WDR70: variants seen among roughly 807,000 people sequenced by gnomAD.
The protein encoded by WDR70 is WD repeat-containing protein 70.
WDR70 carries 53 observed loss-of-function variants against 88.6 expected under a neutral mutation model. The ratio of observed to expected loss-of-function variants is 0.60; its 90% CI spans 0.48 to 0.75. The LOEUF is 0.75. WDR70 is among the 30% of genes least tolerant of loss of function. The probability of loss-of-function intolerance (pLI) is 0.00; values close to 1 mark genes in which losing one functional copy is unlikely to be tolerated. For synonymous variants in WDR70, 280 were observed against 270.0 expected (o/e 1.04, Z -0.36); for missense variants, 610 against 823.2 (o/e 0.74, Z 3.17).
chr5:37,537,201 G>A (rs1329646800), intron 9 of WDR70, among the ~76,000 whole-genome samples: 1 of 152,134 alleles, frequency 6.6e-6, no homozygotes, highest in Non-Finnish European at 1.5e-5. Context: ...CAGTTGGGAA[G>A]AAAATACTGT....
At chr5:37,726,313 C>T (rs1414658737) in intron 16 of WDR70, among the ~76,000 whole-genome samples, 1 of 152,012 alleles carries the variant, frequency 6.6e-6, no homozygotes, top group African/African-American at 2.4e-5. Context: ...CTAAGAAGTC[C>T]TACATCTTTC....
At chr5:37,543,982 G>T (rs1295102231) in intron 9 of WDR70, among the ~76,000 whole-genome samples, 3 of 152,144 alleles carry the variant, frequency 2.0e-5, no homozygotes, top group Admixed American at 6.5e-5. Flanking sequence ...ATGTTGGCCA[G>T]TCTGGTCTCG....
At chr5:37,402,229 T>TA (rs1372734916) in intron 5 of WDR70, among the ~76,000 whole-genome samples, 1 of 152,140 alleles carries the variant, frequency 6.6e-6, no homozygotes, top group Non-Finnish European at 1.5e-5. Flanking sequence ...CAATGTCCTG[T>TA]AAACTCATGT....
At chr5:37,469,261 A>T (rs910183579) in intron 7 of WDR70, among the ~76,000 whole-genome samples, 3 of 152,140 alleles carry the variant, frequency 2.0e-5, no homozygotes, top group Admixed American at 6.6e-5. Context: ...GGGTGGCAGT[A>T]GGATCTACCC....
Position 37,479,883 on chromosome 5 carries a change from G to A in WDR70, c.736G>A (p.Val246Ile), listed in dbSNP as rs768694503. Residue 246 changes from valine (V) to isoleucine (I), a missense_variant, in exon 8 of 18, where the codon GTT becomes ATT. Val to Ile is a conservative substitution (Grantham distance 29, BLOSUM62 3). Coordinates refer to ENST00000265107, the MANE Select transcript of WDR70 (RefSeq NM_018034.4). Reference protein sequence around the residue: ...QYSNTGDMILVVSGSSQAKVI... With the variant: ...QYSNTGDMILIVSGSSQAKVI... ...TAGTAACACAGGAGACATGATTCTT[G>A]TTGTATCTGGAAGCTCTCAGGCCAA... 1 of 1,614,090 alleles carries A rather than the reference G, an allele frequency of 6.2e-7. No individual in the cohort carries two copies. Among genetic ancestry groups the A allele is most frequent in the East Asian group, 2.2e-5 (1 of 44,868 alleles).
intron 10 of WDR70, among the ~76,000 whole-genome samples, chr5:37,646,134 GTT>G (rs1377967432): frequency 6.6e-6 from 1 of 151,504 alleles, no homozygotes; most frequent in Non-Finnish European, 1.5e-5. Context: ...TCCATTGTAT[GTT>G]TTTTGATTTA....
Position 37,487,621 on chromosome 5 carries a change from A to ATTTTTTTTT in WDR70, c.840+7635_840+7636insTTTTTTTTT, listed in dbSNP as rs1561871968. Among the ~76,000 whole-genome samples, 240 of 37,610 alleles carry ATTTTTTTTT rather than the reference A, an allele frequency of 6.4e-3. 4 individuals carry two copies. The highest frequency in any genetic ancestry group is 0.017 in the African/African-American group (225 of 13,620). The allele number at this position is 37,610 out of a possible 152,430, so 24.7% of individuals were successfully genotyped here. On this transcript the variant is annotated intron_variant, in intron 8 of 17. Coordinates refer to ENST00000265107, the MANE Select transcript of WDR70 (RefSeq NM_018034.4). The stretch of plus-strand genomic sequence containing the variant: ...TATAAATATATATATATATATATAT[A>ATTTTTTTTT]TATGTATTTTTTTTTTTTTTTTTGA...
At chr5:37,641,524 A>T (rs1430334525) in intron 10 of WDR70, among the ~76,000 whole-genome samples, 3 of 140,550 alleles carry the variant, frequency 2.1e-5, no homozygotes, top group African/African-American at 8.1e-5. Flanking sequence ...TCAAGTGATT[A>T]TCCTGCCTCA....
intron 11 of WDR70, 88 bp from the exon 12 acceptor site, chr5:37,700,970 A>G (rs1747143613): frequency 2.6e-6 from 2 of 771,834 alleles, no homozygotes; most frequent in Non-Finnish European, 4.5e-6. Context: ...ACAGTTATAC[A>G]TTAAGTTTAG....
At position 37,727,061 on chromosome 5, in the gene WDR70, T is replaced by C. The variant is rs1344517356; in HGVS notation, c.1877+16T>C. The C allele has an allele frequency of 6.3e-7, 1 of 1,594,806 alleles. No individual in the cohort carries two copies. The highest frequency in any genetic ancestry group is 1.8e-5 in the Admixed American group (1 of 54,472). ...CATATTCCAAGTGAGAATATAGCTT[T>C]TTAAAACAGGAAAATTGTTATGTTT... On this transcript the variant is annotated intron_variant, in intron 17 of 17. Transcript: ENST00000265107.
intron 9 of WDR70, among the ~76,000 whole-genome samples, chr5:37,603,402 C>T (rs1743944460): frequency 6.6e-6 from 1 of 152,144 alleles, no homozygotes; most frequent in Non-Finnish European, 1.5e-5. Context: ...AACTGGATAT[C>T]CACATGCAGA....
At chr5:37,617,938 T>G (rs1248431583) in intron 10 of WDR70, among the ~76,000 whole-genome samples, 1 of 152,240 alleles carries the variant, frequency 6.6e-6, no homozygotes, top group African/African-American at 2.4e-5. Flanking sequence ...GATTGCATAT[T>G]GATCAAAGTT....
intron 7 of WDR70, among the ~76,000 whole-genome samples, chr5:37,465,030 C>G (rs1374769010): frequency 1.3e-5 from 2 of 152,306 alleles, no homozygotes; most frequent in East Asian, 3.9e-4. Context: ...CACATTTGGT[C>G]AAACTTGTAA....
At chr5:37,612,160 A>C (rs1435853206) in intron 10 of WDR70, among the ~76,000 whole-genome samples, 1 of 152,180 alleles carries the variant, frequency 6.6e-6, no homozygotes, top group African/African-American at 2.4e-5. Context: ...TTTTAATACC[A>C]AATGATTTAG....
chr5:37,712,172 T>C (rs1449722425), intron 13 of WDR70, among the ~76,000 whole-genome samples: 1 of 152,022 alleles, frequency 6.6e-6, no homozygotes, highest in Admixed American at 6.6e-5. Context: ...TTTGTAGTTT[T>C]AGTAGAGACG....
intron 14 of WDR70, chr5:37,721,518 G>A (rs1480172699): frequency 3.1e-6 from 1 of 324,694 alleles, no homozygotes; most frequent in Non-Finnish European, 5.8e-6. Flanking sequence ...CTGGACAGAG[G>A]CATTAGCAGT....
intron 9 of WDR70, among the ~76,000 whole-genome samples, chr5:37,595,274 A>G (rs1321667256): frequency 6.6e-6 from 1 of 152,234 alleles, no homozygotes; most frequent in Non-Finnish European, 1.5e-5. Context: ...ATACAAAGTC[A>G]GTAATTATGA....
intron 10 of WDR70, among the ~76,000 whole-genome samples, chr5:37,641,840 A>G (rs1222047580): frequency 6.6e-6 from 1 of 152,174 alleles, no homozygotes; most frequent in Non-Finnish European, 1.5e-5. Context: ...TGAAACACTT[A>G]CTTTTGCATA....
chr5:37,394,022 G>T (rs1748929161), intron 4 of WDR70, among the ~76,000 whole-genome samples: 1 of 152,064 alleles, frequency 6.6e-6, no homozygotes. Flanking sequence ...AAAGATACTT[G>T]AGGGCTGCGG....
Sources: gnomAD v4.1 joint callset for allele counts (sites outside exome capture counted in the v4.1 genomes callset) on GRCh38, gnomAD v4.1.1 for gene constraint, MANE v1.5 for transcripts, NCBI Gene and HGNC (gene_info 2026-07-23, HGNC 2026-07-21) for gene names.